The following TRIM44 variants were observed in gnomAD, a reference collection of about 807,000 sequenced individuals.
TRIM44 encodes tripartite motif-containing protein 44.
A neutral mutation model predicts 37.4 loss-of-function variants in TRIM44; 13 were observed. The observed-to-expected ratio is 0.35, with a 90% CI of 0.23 to 0.55. TRIM44 has a LOEUF of 0.55. Ranked by LOEUF, TRIM44 falls within the 20% of genes least tolerant of loss-of-function variation. The probability of loss-of-function intolerance (pLI) is 0.89; values close to 1 mark genes in which losing one functional copy is unlikely to be tolerated. For synonymous variants in TRIM44, 175 were observed against 157.2 expected (o/e 1.11, Z -0.85); for missense variants, 426 against 437.2 (o/e 0.97, Z 0.23).
chr11:35,676,906 G>C (rs774375181), intron 1 of TRIM44, among the ~76,000 whole-genome samples: 19 of 152,154 alleles, frequency 1.2e-4, no homozygotes, highest in Non-Finnish European at 2.2e-4. Context: ...GTTTTTGTCT[G>C]TTTTTGAATT....
chr11:35,705,519 T>A (rs1439627163), intron 2 of TRIM44, among the ~76,000 whole-genome samples: 11 of 151,932 alleles, frequency 7.2e-5, no homozygotes, highest in Non-Finnish European at 1.3e-4. Context: ...GAAGTAAAGC[T>A]CTCCTCAGCA....
chr11:35,701,676 T>C (rs1187843778), intron 2 of TRIM44, among the ~76,000 whole-genome samples: 3 of 152,180 alleles, frequency 2.0e-5, no homozygotes, highest in African/African-American at 7.2e-5. Context: ...TATGGGGTCC[T>C]AGGCACGCAT....
intron 2 of TRIM44, among the ~76,000 whole-genome samples, chr11:35,692,922 CAAAAAA>C (rs777241555): frequency 7.7e-5 from 9 of 116,854 alleles, no homozygotes; most frequent in African/African-American, 2.9e-4. Flanking sequence ...GATTCCGTCT[CAAAAAA>C]AAAAAAAGAA....
At chr11:35,680,445 G>GTT (rs11410625) in intron 1 of TRIM44, among the ~76,000 whole-genome samples, 22 of 145,270 alleles carry the variant, frequency 1.5e-4, no homozygotes, top group African/African-American at 5.3e-4. Context: ...GCAAGGTTTT[G>GTT]TTTTTTTTTT....
chr11:35,749,482 C>A (rs1346345703), intron 4 of TRIM44, among the ~76,000 whole-genome samples: 1 of 152,138 alleles, frequency 6.6e-6, no homozygotes, highest in Non-Finnish European at 1.5e-5. Flanking sequence ...GCCAGGAGTT[C>A]CAGACCAGCC....
At chr11:35,701,828 T>C (rs1360297266) in intron 2 of TRIM44, among the ~76,000 whole-genome samples, 1 of 152,202 alleles carries the variant, frequency 6.6e-6, no homozygotes, top group Non-Finnish European at 1.5e-5. Context: ...CAGTGACTTT[T>C]ACGATTCATT....
chr11:35,662,934 C>G lies in TRIM44; in HGVS notation c.-178C>G, dbSNP rs1439232595. Reference sequence around the variant, plus strand: ...GCCGAGCCGGCGGAAAGGGTCTTTGCTGCTGCGCCCGGGCAGGGGCTGCCG... The same window carrying G: ...GCCGAGCCGGCGGAAAGGGTCTTTGGTGCTGCGCCCGGGCAGGGGCTGCCG... On this transcript the variant is annotated 5_prime_UTR_variant, in exon 1 of 5. Coordinates refer to ENST00000299413, the MANE Select transcript of TRIM44 (RefSeq NM_017583.6). 1.8e-6 allele frequency: 2 copies of G among 1,117,246 alleles called. No homozygotes were observed. Among genetic ancestry groups the G allele is most frequent in the South Asian group, 2.3e-5 (1 of 43,032 alleles). 69.2% of individuals were successfully genotyped at this position (1,117,246 alleles called of 1,614,324 possible).
intron 4 of TRIM44, among the ~76,000 whole-genome samples, chr11:35,747,700 A>G (rs1463238289): frequency 6.6e-6 from 1 of 152,078 alleles, no homozygotes; most frequent in East Asian, 1.9e-4. Flanking sequence ...ATGAACAGGA[A>G]CTTCTCTCCC....
At chr11:35,800,001 C>T (rs958528253) in intron 4 of TRIM44, among the ~76,000 whole-genome samples, 4 of 152,198 alleles carry the variant, frequency 2.6e-5, no homozygotes, top group African/African-American at 4.8e-5. Flanking sequence ...TGGGTCTGCA[C>T]TAGGTAATGA....
At chr11:35,721,768 TTATGTC>T (rs1436263854) in intron 2 of TRIM44, among the ~76,000 whole-genome samples, 1 of 152,220 alleles carries the variant, frequency 6.6e-6, no homozygotes, top group Non-Finnish European at 1.5e-5. Flanking sequence ...TGTTCAGAGT[TTATGTC>T]TACCGTGTTT....
At chr11:35,731,429 G>A (rs1852257937) in intron 3 of TRIM44, among the ~76,000 whole-genome samples, 1 of 152,064 alleles carries the variant, frequency 6.6e-6, no homozygotes, top group African/African-American at 2.4e-5. Context: ...CTGAGATAAA[G>A]TCCCATTTGG....
chr11:35,702,784 G>A (rs1385832544), intron 2 of TRIM44, among the ~76,000 whole-genome samples: 4 of 152,336 alleles, frequency 2.6e-5, no homozygotes, highest in Non-Finnish European at 5.9e-5. Flanking sequence ...ACTGAAAGAT[G>A]GCCGAATAGG....
chr11:35,724,925 C>T (rs967677880), intron 2 of TRIM44, among the ~76,000 whole-genome samples: 3 of 152,180 alleles, frequency 2.0e-5, no homozygotes, highest in African/African-American at 7.2e-5. Context: ...TGGCTCTAAA[C>T]ATCTTTAAAA....
chr11:35,797,054 C>G (rs1853302181), intron 4 of TRIM44, among the ~76,000 whole-genome samples: 1 of 152,132 alleles, frequency 6.6e-6, no homozygotes, highest in Admixed American at 6.5e-5. Context: ...TGCAGAATAT[C>G]TGATTTTAGG....
rs796092540 is a variant in TRIM44 at position 35,792,111 on chromosome 11, A to ACACACACACACACTCTCT, written c.1008-14246_1008-14245insACACACACACACTCTCTC. 7.8e-3 allele frequency among the ~76,000 whole-genome samples: 893 copies of ACACACACACACACTCTCT among 114,236 alleles called. 11 individuals are homozygous for ACACACACACACACTCTCT. Among genetic ancestry groups the ACACACACACACACTCTCT allele is most frequent in the Non-Finnish European group, 0.011 (618 of 54,454 alleles). The allele number at this position is 114,236 out of a possible 152,430, so 74.9% of individuals were successfully genotyped here. On this transcript the variant is annotated intron_variant, in intron 4 of 4. Transcript: ENST00000299413. The stretch of plus-strand genomic sequence containing the variant: ...CACACACACACACACACACACACAC[A>ACACACACACACACTCTCT]CTCTCTCTCATCATTCTCTATTCCA...
At chr11:35,674,223 A>T (rs916069698) in intron 1 of TRIM44, among the ~76,000 whole-genome samples, 3 of 134,682 alleles carry the variant, frequency 2.2e-5, no homozygotes, top group Non-Finnish European at 4.7e-5. Context: ...AGTGGGAGAG[A>T]GAGAGAATTT....
In TRIM44 at chr11:35,704,417, A is replaced by G. The variant is rs200639557; in HGVS notation, c.747+19081A>G. The stretch of plus-strand genomic sequence containing the variant: ...ATTCAGGAAATACAGGGAACGCCAC[A>G]AAGATACTCCTCGAGAAGAGCAACT... On this transcript the variant is annotated intron_variant, in intron 2 of 4. Transcript: ENST00000299413. Among the ~76,000 whole-genome samples the G allele has an allele frequency of 5.3e-4, 80 of 152,296 alleles. No individual in the cohort carries two copies. The East Asian group carries it at 0.014, about 28-fold the overall frequency.
At chr11:35,746,637 G>T (rs999212908) in intron 4 of TRIM44, among the ~76,000 whole-genome samples, 1 of 151,878 alleles carries the variant, frequency 6.6e-6, no homozygotes, top group Non-Finnish European at 1.5e-5. Flanking sequence ...CTTAAAATTA[G>T]AACTGTAGGG....
In TRIM44 at chr11:35,691,711, C is replaced by G. The variant is rs1316679487; in HGVS notation, c.747+6375C>G. ...CCAGGCTGGAGTGCAGTGGCATGATCTCGAGTTACTGTAAGCTCCACCTCC... is the reference window on the plus strand; with the variant it reads ...CCAGGCTGGAGTGCAGTGGCATGATGTCGAGTTACTGTAAGCTCCACCTCC... On this transcript the variant is annotated intron_variant, in intron 2 of 4. Coordinates refer to ENST00000299413, the MANE Select transcript of TRIM44 (RefSeq NM_017583.6). Among the ~76,000 whole-genome samples, 3 of 152,142 alleles carry G rather than the reference C, an allele frequency of 2.0e-5. No homozygotes were observed. In the East Asian group the frequency reaches 5.8e-4, roughly 29 times the overall value.
Sources: allele counts gnomAD v4.1 joint callset (sites outside exome capture counted in the v4.1 genomes callset), GRCh38; gene constraint gnomAD v4.1.1; transcripts MANE v1.5; gene names NCBI Gene and HGNC (gene_info 2026-07-23, HGNC 2026-07-21).